The following EPB41L4A variants were observed in gnomAD, a reference collection of about 807,000 sequenced individuals.
The protein encoded by EPB41L4A is erythrocyte membrane protein band 4.1 like 4A.
EPB41L4A carries 100 observed loss-of-function variants against 108.6 expected under a neutral mutation model. That is an observed-to-expected ratio of 0.92 (90% confidence interval 0.78 to 1.09). The LOEUF (loss-of-function observed/expected upper bound fraction) is 1.09. Ranked by LOEUF, EPB41L4A falls within the 50% of genes least tolerant of loss-of-function variation. The pLI, the probability that EPB41L4A is intolerant of heterozygous loss-of-function variation, is 0.00. For synonymous variants in EPB41L4A, 319 were observed against 289.0 expected (o/e 1.10, Z -1.05); for missense variants, 1,030 against 842.7 (o/e 1.22, Z -2.75).
At chr5:112,417,116 C>G (rs1229748869) in intron 1 of EPB41L4A, among the ~76,000 whole-genome samples, 1 of 152,234 alleles carries the variant, frequency 6.6e-6, no homozygotes, top group African/African-American at 2.4e-5. Context: ...AACAGTATTA[C>G]ATAGTTGCTG....
At chr5:112,186,319 T>A (rs80324356) in intron 17 of EPB41L4A, among the ~76,000 whole-genome samples, 1 of 152,142 alleles carries the variant, frequency 6.6e-6, no homozygotes, top group African/African-American at 2.4e-5. Context: ...GAAGCACAGT[T>A]ACTGTATGTT....
chr5:112,165,367 G>C (rs566004334), intron 22 of EPB41L4A, among the ~76,000 whole-genome samples: 1 of 152,226 alleles, frequency 6.6e-6, no homozygotes, highest in South Asian at 2.1e-4. Flanking sequence ...ATGAATATTA[G>C]GCATAATTCA....
chr5:112,306,852 T>C (rs1458990116), intron 2 of EPB41L4A, among the ~76,000 whole-genome samples: 1 of 152,154 alleles, frequency 6.6e-6, no homozygotes, highest in Non-Finnish European at 1.5e-5. Context: ...ACAACTGACA[T>C]AAGAACTAAA....
At chr5:112,407,580 A>C (rs1762143550) in intron 1 of EPB41L4A, among the ~76,000 whole-genome samples, 1 of 152,198 alleles carries the variant, frequency 6.6e-6, no homozygotes, top group Non-Finnish European at 1.5e-5. Context: ...TGTATATTTA[A>C]ATGACATTAA....
At chr5:112,279,064 C>CAAAAAA (rs60463391) in intron 3 of EPB41L4A, among the ~76,000 whole-genome samples, 1 of 76,894 alleles carries the variant, frequency 1.3e-5, no homozygotes, top group African/African-American at 4.8e-5. Context: ...GATACCGTCT[C>CAAAAAA]AAAAAAAAAA....
At chr5:112,157,800 A>G (rs1212597917), downstream of EPB41L4A, among the ~76,000 whole-genome samples, 1 of 152,214 alleles carries the variant, frequency 6.6e-6, no homozygotes, top group Non-Finnish European at 1.5e-5. Flanking sequence ...TAGGACATGA[A>G]TATCTTTTGG....
intron 1 of EPB41L4A, among the ~76,000 whole-genome samples, chr5:112,365,079 G>T (rs1759039904): frequency 6.6e-6 from 1 of 152,096 alleles, no homozygotes; most frequent in African/African-American, 2.4e-5. Context: ...TTCAGCTTCT[G>T]GCATAAAGCA....
intron 1 of EPB41L4A, among the ~76,000 whole-genome samples, chr5:112,386,358 T>C (rs928439766): frequency 6.6e-6 from 1 of 152,246 alleles, no homozygotes; most frequent in Admixed American, 6.5e-5. Context: ...CCTTCATTAA[T>C]AAATTTTCAT....
chr5:112,145,960 A>C (rs1250559629), exon 13 of EPB41L4A: 1 of 456,702 alleles, frequency 2.2e-6, no homozygotes, highest in Non-Finnish European at 4.4e-6. Context: ...TCAGATTTCC[A>C]AGTTCTCTGC....
chr5:112,326,167 T>G (rs931711500), intron 1 of EPB41L4A, among the ~76,000 whole-genome samples: 16 of 152,084 alleles, frequency 1.1e-4, no homozygotes, highest in African/African-American at 3.9e-4. Flanking sequence ...AAATTTTTTT[T>G]AAATTAAACT....
In EPB41L4A at chr5:112,385,507, CAAAAAAAAA is replaced by C. The variant is rs201988960; in HGVS notation, c.99+33425_99+33433del. On this transcript the variant is annotated intron_variant, in intron 1 of 22. Coordinates refer to ENST00000261486, the MANE Select transcript of EPB41L4A (RefSeq NM_022140.5). ...TGCCAGCCTTCATACTGGTTATTTT[CAAAAAAAAA>C]AAAAAAAAAAAGTAAATCCCATTAC... Among the ~76,000 whole-genome samples, 64 of 75,544 alleles carry C rather than the reference CAAAAAAAAA, an allele frequency of 8.5e-4. 1 individual carries two copies. The highest frequency in any genetic ancestry group is 2.3e-3 in the African/African-American group (62 of 27,422). The allele number at this position is 75,544 out of a possible 152,430, so 49.6% of individuals were successfully genotyped here. A position where few individuals can be genotyped will look rare whatever the true frequency, so the allele number is the denominator to read the frequency against.
intron 3 of EPB41L4A, among the ~76,000 whole-genome samples, chr5:112,279,002 T>C (rs1270056377): frequency 3.4e-5 from 5 of 148,532 alleles, no homozygotes; most frequent in Admixed American, 6.8e-5. Flanking sequence ...GAGGCAGAGA[T>C]TGCAGTGAGC....
intron 1 of EPB41L4A, among the ~76,000 whole-genome samples, chr5:112,334,998 G>A (rs1484462836): frequency 6.6e-6 from 1 of 152,122 alleles, no homozygotes; most frequent in African/African-American, 2.4e-5. Flanking sequence ...CTATACTAGG[G>A]TACAGCCTCA....
intron 20 of EPB41L4A, 144 bp downstream of exon 20, chr5:112,170,157 C>T (rs2150201780): frequency 1.4e-6 from 1 of 739,386 alleles, no homozygotes; most frequent in South Asian, 1.7e-5. Context: ...GCACACTTTT[C>T]TTCCTCTTTC....
At chr5:112,342,051 CAACTAG>C (rs762457251) in intron 1 of EPB41L4A, among the ~76,000 whole-genome samples, 16 of 152,058 alleles carry the variant, frequency 1.1e-4, no homozygotes, top group Non-Finnish European at 2.1e-4. Context: ...AAACATTATG[CAACTAG>C]AAACTGTAAA....
intron 2 of EPB41L4A, among the ~76,000 whole-genome samples, chr5:112,288,736 C>A (rs1462652964): frequency 6.6e-6 from 1 of 152,138 alleles, no homozygotes; most frequent in Non-Finnish European, 1.5e-5. Context: ...ATCTTATCAC[C>A]TTAATTCACA....
intron 1 of EPB41L4A, among the ~76,000 whole-genome samples, chr5:112,319,882 G>A (rs1755660718): frequency 6.6e-6 from 1 of 152,008 alleles, no homozygotes; most frequent in Non-Finnish European, 1.5e-5. Flanking sequence ...GATCCTTTTG[G>A]GGTATTATGT....
At chr5:112,353,720 G>C (rs1273128612) in intron 1 of EPB41L4A, among the ~76,000 whole-genome samples, 1 of 152,194 alleles carries the variant, frequency 6.6e-6, no homozygotes, top group Non-Finnish European at 1.5e-5. Context: ...CATGGGTATA[G>C]GCTGTGGTGG....
chr5:112,310,310 T>C (rs970145927), intron 1 of EPB41L4A, among the ~76,000 whole-genome samples: 2 of 152,240 alleles, frequency 1.3e-5, no homozygotes, highest in African/African-American at 4.8e-5. Flanking sequence ...TCTTCTTAGT[T>C]TGTCTATGGA....
Sources: allele counts gnomAD v4.1 joint callset (sites outside exome capture counted in the v4.1 genomes callset), GRCh38; gene constraint gnomAD v4.1.1; transcripts MANE v1.5; gene names NCBI Gene and HGNC (gene_info 2026-07-23, HGNC 2026-07-21).